Variants in EMX2 observed in about 807,000 individuals in gnomAD.
The protein encoded by EMX2 is empty spiracles homeobox 2.
EMX2 carries 6 observed loss-of-function variants against 23.0 expected under a neutral mutation model. That is an observed-to-expected ratio of 0.26 (90% CI 0.14 to 0.52). EMX2 has a LOEUF of 0.52. Ranked by LOEUF, EMX2 falls within the 20% of genes least tolerant of loss-of-function variation. The pLI, the probability that EMX2 is intolerant of heterozygous loss-of-function variation, is 0.97. For missense variants in EMX2, 302 were observed against 341.4 expected (o/e 0.88, Z 0.91); for synonymous variants, 175 against 153.3 (o/e 1.14, Z -1.04).
At position 117,548,335 on chromosome 10, in the gene EMX2, C is replaced by T; in HGVS notation, c.*103C>T. ...ACAAAACAAAAACAAACCGCATACA[C>T]GTTCACCGAGAAAGGGAGAGGGAAT... On this transcript the variant is annotated 3_prime_UTR_variant, in exon 3 of 3. Coordinates refer to ENST00000553456, the MANE Select transcript of EMX2 (RefSeq NM_004098.4). 4 of 1,472,298 alleles carry T rather than the reference C, an allele frequency of 2.7e-6. No homozygotes were observed. Among genetic ancestry groups the T allele is most frequent in the South Asian group, 1.2e-5 (1 of 81,542 alleles). 91.2% of individuals were successfully genotyped at this position (1,472,298 alleles called of 1,614,324 possible).
At chr10:117,545,878 C>G in intron 2 of EMX2, 62 bp downstream of exon 2, 1 of 1,606,732 alleles carries the variant, frequency 6.2e-7, no homozygotes, top group South Asian at 1.1e-5. Flanking sequence ...AAAGCTGGCT[C>G]CCAAGCACAC....
At chr10:117,544,503 G>C (rs1444797352) in intron 1 of EMX2, 1 of 152,104 alleles carries the variant, frequency 6.6e-6, no homozygotes, top group Non-Finnish European at 1.5e-5. Context: ...GTGGGAGGAG[G>C]AGAGTTAAAA....
rs773003342 is a variant in EMX2, at chr10:117,545,800, G to C, written c.575G>C (p.Ser192Thr). ...AERKQLAHSL[S>T]LTETQVKVWF... ...AGGAAGCAGCTGGCACACAGCCTCA[G>C]CCTCACGGAAACTCAGGTGACTGCG... is the stretch of plus-strand genomic sequence containing the variant. The change falls in exon 2 of 3, where the codon AGC (serine) becomes ACC (threonine). Residue 192 changes from serine to threonine, a missense_variant. Physicochemically the swap from Ser to Thr is moderately conservative, Grantham distance 58. Coordinates refer to ENST00000553456, the MANE Select transcript of EMX2 (RefSeq NM_004098.4). 4.3e-6 allele frequency: 7 copies of C among 1,613,808 alleles called. No homozygotes were observed. Among genetic ancestry groups the C allele is most frequent in the Non-Finnish European group, 5.1e-6 (6 of 1,180,034 alleles).
At position 117,545,738 on chromosome 10, in the gene EMX2, C is replaced by A. The variant is rs776965578; in HGVS notation, c.513C>A (p.His171Gln). Residue 171 changes from histidine to glutamine, a missense_variant, in exon 2 of 3, where the codon CAC (histidine) becomes CAA (glutamine). By Grantham distance (24) the His-to-Gln change is conservative. Around this residue, in one of 4 missense-constraint regions of EMX2, gnomAD observed 37 missense variants for 69.1 expected, o/e 0.54. Coordinates refer to ENST00000553456, the MANE Select transcript of EMX2 (RefSeq NM_004098.4). ...CGTCCCAGCTTCTAAGGCTGGAACA[C>A]GCCTTTGAGAAGAATCACTACGTGG... Reference protein sequence around the residue: ...FSPSQLLRLEHAFEKNHYVVG... With the variant: ...FSPSQLLRLEQAFEKNHYVVG... 9.3e-6 allele frequency: 15 copies of A among 1,614,086 alleles called. No homozygotes were observed. The highest frequency in any genetic ancestry group is 1.2e-5 in the Non-Finnish European group (14 of 1,180,040).
In EMX2 at chr10:117,549,154, G is replaced by A. The variant is rs547712414; in HGVS notation, c.*922G>A. On this transcript the variant is annotated 3_prime_UTR_variant, in exon 3 of 3. Transcript: ENST00000553456. ...AACCCCTAAATTAATTATATTTCTT[G>A]GACATTCCCTTTCCTAACATCCTGA... 1 of 152,846 alleles carries A rather than the reference G, an allele frequency of 6.5e-6. No homozygotes were observed. The highest frequency in any genetic ancestry group is 2.1e-4 in the South Asian group (1 of 4,826). 9.5% of individuals were successfully genotyped at this position (152,846 alleles called of 1,614,324 possible).
In EMX2 at chr10:117,543,200, G is replaced by A; in HGVS notation, c.-68G>A. 2.5e-6 allele frequency: 3 copies of A among 1,184,984 alleles called. No individual in the cohort carries two copies. Among genetic ancestry groups the A allele is most frequent in the Non-Finnish European group, 3.2e-6 (3 of 945,740 alleles). 73.4% of individuals were successfully genotyped at this position (1,184,984 alleles called of 1,614,324 possible). ...TCGTCCGTCCTCGCCGCGGGCAGCGGGCGGCGGAGGCAGCGTGCGGCGGTC... is the reference window on the plus strand; with the variant it reads ...TCGTCCGTCCTCGCCGCGGGCAGCGAGCGGCGGAGGCAGCGTGCGGCGGTC... On this transcript the variant is annotated 5_prime_UTR_variant, in exon 1 of 3. Coordinates refer to ENST00000553456, the MANE Select transcript of EMX2 (RefSeq NM_004098.4).
intron 2 of EMX2, among the ~76,000 whole-genome samples, chr10:117,546,464 T>C (rs978707237): frequency 6.6e-6 from 1 of 152,238 alleles, no homozygotes; most frequent in African/African-American, 2.4e-5. Flanking sequence ...CACTAGGCGC[T>C]ACTGTACACG....
At chr10:117,546,848 G>T (rs1326751454) in intron 2 of EMX2, among the ~76,000 whole-genome samples, 1 of 152,248 alleles carries the variant, frequency 6.6e-6, no homozygotes, top group African/African-American at 2.4e-5. Context: ...CCTTGTTCCC[G>T]CTCAGCTTTT....
At chr10:117,544,401 T>TGGTCAG (rs1447440322) in intron 1 of EMX2, 1 of 150,670 alleles carries the variant, frequency 6.6e-6, no homozygotes, top group Non-Finnish European at 1.5e-5. Context: ...AAAAAGAACC[T>TGGTCAG]GGTCAGGAAA....
intron 1 of EMX2, chr10:117,544,825 T>G (rs1846552149): frequency 6.6e-6 from 1 of 152,228 alleles, no homozygotes; most frequent in Non-Finnish European, 1.5e-5. Context: ...AACCCAAAAC[T>G]CTGAGGCTTT....
chr10:117,545,417 G>T (rs924203470), intron 1 of EMX2, among the ~76,000 whole-genome samples: 5 of 152,172 alleles, frequency 3.3e-5, no homozygotes, highest in Non-Finnish European at 7.3e-5. Flanking sequence ...CGGCTGGTTG[G>T]GTGCCGCACC....
Position 117,543,504 on chromosome 10 carries a change from C to T in EMX2, c.237C>T (p.Pro79=), listed in dbSNP as rs1181782508. The change falls in exon 1 of 3, where the codon CCC becomes CCT. Residue 79 remains proline, a synonymous_variant. Coordinates refer to ENST00000553456, the MANE Select transcript of EMX2 (RefSeq NM_004098.4). ...TCGCCGAGGCGGTCTCGCACCCGCC[C>T]AACCCCGCCGTGCCAGTGCACCCGG... is the stretch of plus-strand genomic sequence containing the variant. ...LVFAEAVSHP[P]NPAVPVHPVP... 2.5e-6 allele frequency: 4 copies of T among 1,609,360 alleles called. No homozygotes were observed. The highest frequency in any genetic ancestry group is 3.4e-6 in the Non-Finnish European group (4 of 1,178,298).
chr10:117,544,032 C>T (rs1470689144), intron 1 of EMX2, among the ~76,000 whole-genome samples: 3 of 152,342 alleles, frequency 2.0e-5, no homozygotes, highest in South Asian at 4.1e-4. Context: ...CTCGGCAATG[C>T]CCCCAACCGT....
intron 1 of EMX2, among the ~76,000 whole-genome samples, chr10:117,544,051 C>T (rs1241251152): frequency 6.6e-6 from 1 of 152,224 alleles, no homozygotes; most frequent in Non-Finnish European, 1.5e-5. Context: ...GTCCTGGCTC[C>T]GAGGGGCGCG....
intron 2 of EMX2, among the ~76,000 whole-genome samples, chr10:117,547,199 C>T (rs945510734): frequency 6.6e-6 from 1 of 152,176 alleles, no homozygotes; most frequent in Non-Finnish European, 1.5e-5. Context: ...CTGGTGAGGC[C>T]GGGCCTCCAG....
At chr10:117,547,952 G>A (rs1846602394) in intron 2 of EMX2, 113 bp from the exon 3 acceptor site, 10 of 1,453,692 alleles carry the variant, frequency 6.9e-6, no homozygotes, top group Non-Finnish European at 8.4e-6. Context: ...CATCTCGGGG[G>A]CTGGGTCTTT....
rs1846617552 is a variant in EMX2 at position 117,548,747 on chromosome 10, T to C, written c.*515T>C. The C allele has an allele frequency of 7.4e-6, 3 of 404,732 alleles. No individual in the cohort carries two copies. Among genetic ancestry groups the C allele is most frequent in the Non-Finnish European group, 1.3e-5 (3 of 229,736 alleles). The allele number at this position is 404,732 out of a possible 1,614,324, so 25.1% of individuals were successfully genotyped here. A position where few individuals can be genotyped will look rare whatever the true frequency, so the allele number is the denominator to read the frequency against. On this transcript the variant is annotated 3_prime_UTR_variant, in exon 3 of 3. Coordinates refer to ENST00000553456, the MANE Select transcript of EMX2 (RefSeq NM_004098.4). Reference sequence around the variant, plus strand: ...TTTGTTTTTTGCACTTCGCTGTGTTTCCCCCCCATCTTTAAAAATAATTAG... The same window carrying C: ...TTTGTTTTTTGCACTTCGCTGTGTTCCCCCCCCATCTTTAAAAATAATTAG...
intron 2 of EMX2, among the ~76,000 whole-genome samples, chr10:117,547,627 T>C (rs1207312496): frequency 6.6e-6 from 1 of 152,242 alleles, no homozygotes; most frequent in Non-Finnish European, 1.5e-5. Context: ...TGAGGGGAGC[T>C]GCAGCAGCGG....
At position 117,548,065 on chromosome 10, in the gene EMX2, G is replaced by A; in HGVS notation, c.592G>A (p.Val198Ile). The change falls in exon 3 of 3, where the codon GTA (valine) becomes ATA (isoleucine). Residue 198 changes from valine to isoleucine, a missense_variant and splice_region_variant. Around this residue, in one of 4 missense-constraint regions of EMX2, gnomAD observed 37 missense variants for 69.1 expected, o/e 0.54. Transcript: ENST00000553456. ...AHSLSLTETQ[V>I]KVWFQNRRTK... ...CACCCCATCTGCCTCTCACCCGCAG[G>A]TAAAAGTATGGTTTCAGAACCGAAG... 1 of 1,609,850 alleles carries A rather than the reference G, an allele frequency of 6.2e-7. No individual in the cohort carries two copies. The highest frequency in any genetic ancestry group is 8.5e-7 in the Non-Finnish European group (1 of 1,178,096).
Sources: gnomAD v4.1 joint callset for allele counts (sites outside exome capture counted in the v4.1 genomes callset) on GRCh38, gnomAD v4.1.1 for gene constraint, gnomAD v4.1.1 regional missense constraint, MANE v1.5 for transcripts, NCBI Gene and HGNC (gene_info 2026-07-23, HGNC 2026-07-21) for gene names.